SND1: variants seen among roughly 807,000 people sequenced by gnomAD.
SND1 encodes the protein staphylococcal nuclease domain-containing protein 1.
Under a neutral mutation model 121.7 loss-of-function variants are expected in SND1, and 38 were observed. The observed-to-expected ratio is 0.31, with a 90% CI of 0.24 to 0.41. The LOEUF is 0.41. SND1 is among the 10% of genes least tolerant of loss of function. The probability of loss-of-function intolerance (pLI) is 1.00; values close to 1 mark genes in which losing one functional copy is unlikely to be tolerated. For missense variants in SND1, 868 were observed against 1,184.6 expected (o/e 0.73, Z 3.92); for synonymous variants, 401 against 447.4 (o/e 0.90, Z 1.31).
At chr7:127,935,533 C>T (rs1210620701) in intron 15 of SND1, among the ~76,000 whole-genome samples, 1 of 152,152 alleles carries the variant, frequency 6.6e-6, no homozygotes, top group African/African-American at 2.4e-5. Flanking sequence ...GGAAAGGCTG[C>T]ACAGGGATAA....
chr7:128,056,560 A>T (rs1024962256), intron 16 of SND1, among the ~76,000 whole-genome samples: 1 of 152,192 alleles, frequency 6.6e-6, no homozygotes, highest in African/African-American at 2.4e-5. Context: ...ACTGTGTGTC[A>T]GGCGCCATGC....
At chr7:127,945,421 G>A (rs544449509) in intron 15 of SND1, among the ~76,000 whole-genome samples, 4 of 152,126 alleles carry the variant, frequency 2.6e-5, no homozygotes, top group Admixed American at 6.5e-5. Flanking sequence ...AACCCAGGAG[G>A]CGGAGCTTGC....
intron 15 of SND1, among the ~76,000 whole-genome samples, chr7:127,988,592 C>T (rs1346819219): frequency 2.6e-5 from 4 of 152,218 alleles, no homozygotes; most frequent in Non-Finnish European, 5.9e-5. Flanking sequence ...ACTTGGTGGT[C>T]TCCAGGATTC....
At chr7:128,030,113 C>T (rs754782789) in intron 16 of SND1, 2 of 1,614,082 alleles carry the variant, frequency 1.2e-6, no homozygotes, top group African/African-American at 1.3e-5. Flanking sequence ...CCCCCAAGTC[C>T]AGGCGCATGA....
intron 11 of SND1, among the ~76,000 whole-genome samples, chr7:127,825,489 C>T (rs374515021): frequency 2.0e-5 from 3 of 151,604 alleles, no homozygotes; most frequent in South Asian, 4.2e-4. Context: ...TTCACTACAA[C>T]CTCTGCCTCC....
Position 127,678,214 on chromosome 7 carries a change from T to G in SND1, c.79-8399T>G, listed in dbSNP as rs1272757515. On this transcript the variant is annotated intron_variant, in intron 1 of 23. Coordinates refer to ENST00000354725, the MANE Select transcript of SND1 (RefSeq NM_014390.4). ...GAAACTTCAACCCCAATCCTTGCTC[T>G]GCTGTCAATCCTGGTTATTTTAGGC... Among the ~76,000 whole-genome samples, 3 of 152,222 alleles carry G rather than the reference T, an allele frequency of 2.0e-5. No homozygotes were observed. The East Asian group carries it at 5.8e-4, about 29-fold the overall frequency.
intron 16 of SND1, among the ~76,000 whole-genome samples, chr7:128,019,700 C>G (rs1229572659): frequency 6.6e-6 from 1 of 152,194 alleles, no homozygotes; most frequent in Non-Finnish European, 1.5e-5. Flanking sequence ...TAGAATGTTT[C>G]TATTGGGACT....
chr7:127,802,748 A>C (rs1798158309), intron 10 of SND1, among the ~76,000 whole-genome samples: 1 of 152,206 alleles, frequency 6.6e-6, no homozygotes, highest in Admixed American at 6.5e-5. Context: ...GCTGAAGCTT[A>C]GCATGTCTCC....
At chr7:128,018,882 A>G (rs1174752899) in intron 16 of SND1, among the ~76,000 whole-genome samples, 2 of 152,234 alleles carry the variant, frequency 1.3e-5, no homozygotes, top group African/African-American at 2.4e-5. Context: ...TGAAGCCTCA[A>G]TAACAGCTAT....
chr7:127,764,048 A>AC (rs1797360948), intron 10 of SND1, among the ~76,000 whole-genome samples: 1 of 145,386 alleles, frequency 6.9e-6, no homozygotes, highest in South Asian at 2.2e-4. Context: ...CAAAAAAAAA[A>AC]AAAACAAAAA....
intron 11 of SND1, among the ~76,000 whole-genome samples, chr7:127,810,876 A>G (rs974355123): frequency 2.0e-5 from 3 of 152,234 alleles, no homozygotes; most frequent in African/African-American, 7.2e-5. Context: ...CAGAATTTCT[A>G]TCACCATGGG....
Position 127,957,056 on chromosome 7 carries a change from A to G in SND1, c.1669+27727A>G, listed in dbSNP as rs531332278. On this transcript the variant is annotated intron_variant, in intron 15 of 23. Coordinates refer to ENST00000354725, the MANE Select transcript of SND1 (RefSeq NM_014390.4). ...AGGCCGTCTGAGAAACCTAGTATCTACCAGTCTACTATTCAATGTTCTGTG... is the reference window on the plus strand; with the variant it reads ...AGGCCGTCTGAGAAACCTAGTATCTGCCAGTCTACTATTCAATGTTCTGTG... Among the ~76,000 whole-genome samples, 15 of 152,344 alleles carry G rather than the reference A, an allele frequency of 9.8e-5. No homozygotes were observed. In the South Asian group the frequency reaches 2.9e-3, roughly 29 times the overall value.
intron 16 of SND1, among the ~76,000 whole-genome samples, chr7:128,051,180 G>A (rs572435275): frequency 1.3e-5 from 2 of 152,254 alleles, no homozygotes; most frequent in African/African-American, 2.4e-5. Context: ...CTTCCCATGG[G>A]GTATCTTGGA....
chr7:127,913,810 T>G (rs1800510390), intron 14 of SND1, among the ~76,000 whole-genome samples: 1 of 152,238 alleles, frequency 6.6e-6, no homozygotes, highest in South Asian at 2.1e-4. Flanking sequence ...AGCCTTGGAT[T>G]GAACTCATTG....
chr7:127,732,278 C>T (rs1342093391), intron 10 of SND1, among the ~76,000 whole-genome samples: 1 of 152,222 alleles, frequency 6.6e-6, no homozygotes, highest in Non-Finnish European at 1.5e-5. Context: ...TTACCTTCCC[C>T]ATGCCACACT....
intron 15 of SND1, among the ~76,000 whole-genome samples, chr7:127,959,744 T>C (rs902783095): frequency 2.0e-5 from 3 of 152,178 alleles, no homozygotes; most frequent in African/African-American, 7.2e-5. Flanking sequence ...TCCACCAGGA[T>C]GTTAAATTGC....
intron 10 of SND1, among the ~76,000 whole-genome samples, chr7:127,763,107 C>T (rs901328564): frequency 6.6e-6 from 1 of 152,152 alleles, no homozygotes; most frequent in Non-Finnish European, 1.5e-5. Flanking sequence ...TGACAAAACT[C>T]CTAGAACTCA....
At chr7:127,853,293 G>T (rs768941286) in intron 12 of SND1, among the ~76,000 whole-genome samples, 1 of 152,162 alleles carries the variant, frequency 6.6e-6, no homozygotes, top group Non-Finnish European at 1.5e-5. Flanking sequence ...ACTTCTTCCC[G>T]TGTTAAATTA....
intron 2 of SND1, among the ~76,000 whole-genome samples, chr7:127,693,529 G>A (rs894045054): frequency 2.0e-5 from 3 of 152,172 alleles, no homozygotes; most frequent in African/African-American, 4.8e-5. Flanking sequence ...TGGTTTCTTA[G>A]AAGTCATATG....
Sources: gnomAD v4.1 joint callset for allele counts (sites outside exome capture counted in the v4.1 genomes callset) on GRCh38, gnomAD v4.1.1 for gene constraint, MANE v1.5 for transcripts, NCBI Gene and HGNC (gene_info 2026-07-23, HGNC 2026-07-21) for gene names.